The following DPH6 variants were observed in gnomAD, a reference collection of about 807,000 sequenced individuals.
DPH6 encodes diphthamine biosynthesis 6.
Under a neutral mutation model 38.2 loss-of-function variants are expected in DPH6, and 33 were observed. The ratio of observed to expected loss-of-function variants is 0.86; its 90% CI spans 0.65 to 1.15. DPH6 has a LOEUF of 1.15. Among genes scored for constraint, DPH6 ranks in the 50% most tolerant of loss-of-function variants. The pLI is 0.00. For synonymous variants in DPH6, 108 were observed against 103.0 expected, an observed-to-expected ratio of 1.05 and a Z score of -0.30; for missense variants, 325 against 320.0, an observed-to-expected ratio of 1.02 and a Z score of -0.12.
chr15:35,436,753 G>GTTTTTTTT (rs57241274), intron 5 of DPH6, among the ~76,000 whole-genome samples: 4 of 144,048 alleles, frequency 2.8e-5, no homozygotes, highest in Non-Finnish European at 4.5e-5. Flanking sequence ...CTGCCTTTAA[G>GTTTTTTTT]TTTTTTTTTT....
In DPH6 at chr15:35,372,020, T is replaced by A; in HGVS notation, c.*130A>T. 7.1e-7 allele frequency: 1 copy of A among 1,406,760 alleles called. No individual in the cohort carries two copies. The highest frequency in any genetic ancestry group is 9.2e-7 in the Non-Finnish European group (1 of 1,082,366). 87.1% of individuals were successfully genotyped at this position (1,406,760 alleles called of 1,614,324 possible). A position where few individuals can be genotyped will look rare whatever the true frequency, so the allele number is the denominator to read the frequency against. ...AAATGGTTCCACTAACCTCTTCTAG[T>A]GAAAGTATGTTTCTCTAAAAAAATA... On this transcript the variant is annotated 3_prime_UTR_variant, in exon 9 of 9. Transcript: ENST00000256538.
intron 5 of DPH6, among the ~76,000 whole-genome samples, chr15:35,445,221 A>G (rs16960945): frequency 0.032 from 4,808 of 152,168 alleles, 247 homozygotes; most frequent in African/African-American, 0.11. Context: ...CACATATTCT[A>G]CATTAGAAGG....
chr15:35,419,283 GATAAGAAGACTGGTCAT>G (rs1165095389), intron 5 of DPH6, among the ~76,000 whole-genome samples: 1 of 151,992 alleles, frequency 6.6e-6, no homozygotes, highest in Non-Finnish European at 1.5e-5. Context: ...TAAAAGAACA[GATAAGAAGACTGGTCAT>G]ATAATCTCTA....
intron 3 of DPH6, among the ~76,000 whole-genome samples, chr15:35,336,592 T>A (rs538547483): frequency 1.3e-5 from 2 of 152,180 alleles, no homozygotes; most frequent in Non-Finnish European, 2.9e-5. Context: ...TTGTCATAGA[T>A]AGCTCTTATT....
At chr15:35,512,348 T>C (rs1158722854) in intron 3 of DPH6, among the ~76,000 whole-genome samples, 1 of 152,068 alleles carries the variant, frequency 6.6e-6, no homozygotes, top group Non-Finnish European at 1.5e-5. Flanking sequence ...AAACAGAACC[T>C]AGTAGAAAAA....
intron 3 of DPH6, among the ~76,000 whole-genome samples, chr15:35,262,258 A>G (rs1387915335): frequency 6.6e-6 from 1 of 152,184 alleles, no homozygotes; most frequent in African/African-American, 2.4e-5. Flanking sequence ...TGGTATCACA[A>G]TTTTTCAGGA....
intron 3 of DPH6, among the ~76,000 whole-genome samples, chr15:35,460,885 G>C (rs1446427629): frequency 1.8e-5 from 2 of 110,204 alleles, no homozygotes; most frequent in Non-Finnish European, 3.6e-5. Flanking sequence ...CTAAAGCAAA[G>C]AGATACTCAC....
chr15:35,450,097 T>C (rs2053912375), intron 5 of DPH6, among the ~76,000 whole-genome samples: 2 of 152,112 alleles, frequency 1.3e-5, no homozygotes, highest in Admixed American at 6.5e-5. Flanking sequence ...TCATATGTAA[T>C]GTCCATACTT....
At chr15:35,522,178 G>A (rs748150756) in intron 3 of DPH6, 18 of 1,613,280 alleles carry the variant, frequency 1.1e-5, no homozygotes, top group Non-Finnish European at 1.5e-5. Flanking sequence ...TTCATTTGGA[G>A]TCCTGTAAAC....
intron 3 of DPH6, chr15:35,237,588 C>A (rs774389647): frequency 2.5e-6 from 4 of 1,586,408 alleles, no homozygotes; most frequent in Non-Finnish European, 3.5e-6. Flanking sequence ...GAAAAGTGTC[C>A]GAACCTCACG....
intron 3 of DPH6, chr15:35,489,641 T>TA (rs917964527): frequency 4.3e-5 from 42 of 980,814 alleles, no homozygotes; most frequent in African/African-American, 3.5e-4. Flanking sequence ...TAATGTTAAG[T>TA]AAAAAAATAC....
At chr15:35,291,968 T>C (rs112977348) in intron 3 of DPH6, among the ~76,000 whole-genome samples, 154 of 152,250 alleles carry the variant, frequency 1.0e-3, no homozygotes, top group African/African-American at 3.6e-3. Context: ...CTGACCTTAG[T>C]CACTGCCACT....
chr15:35,450,959 C>CA (rs2053925520), intron 4 of DPH6, among the ~76,000 whole-genome samples, 156 bp from the exon 5 acceptor site: 2 of 152,008 alleles, frequency 1.3e-5, no homozygotes, highest in African/African-American at 4.8e-5. Flanking sequence ...TTTATATATA[C>CA]AACATAAACA....
At chr15:35,480,333 T>C (rs1460708765) in intron 3 of DPH6, among the ~76,000 whole-genome samples, 1 of 152,102 alleles carries the variant, frequency 6.6e-6, no homozygotes, top group Non-Finnish European at 1.5e-5. Context: ...GACAATTCTT[T>C]AAGAAAATCC....
At chr15:35,502,978 G>A (rs1378657614) in intron 3 of DPH6, among the ~76,000 whole-genome samples, 4 of 148,114 alleles carry the variant, frequency 2.7e-5, no homozygotes, top group African/African-American at 9.8e-5. Context: ...CAGTGTGCCT[G>A]GCCTCACTGA....
At chr15:35,366,898 T>C (rs745338620), downstream of DPH6, among the ~76,000 whole-genome samples, 1 of 151,978 alleles carries the variant, frequency 6.6e-6, no homozygotes, top group South Asian at 2.1e-4. Context: ...TATAGTAGAT[T>C]CCATGTAGAC....
intron 3 of DPH6, among the ~76,000 whole-genome samples, chr15:35,487,265 G>A (rs1217221233): frequency 3.3e-5 from 5 of 152,334 alleles, no homozygotes; most frequent in African/African-American, 1.2e-4. Flanking sequence ...GCCCCAGTGG[G>A]AACTCTGGGT....
intron 3 of DPH6, among the ~76,000 whole-genome samples, chr15:35,247,603 A>C (rs1401200913): frequency 6.6e-6 from 1 of 152,220 alleles, no homozygotes; most frequent in Non-Finnish European, 1.5e-5. Context: ...ACCTGCTTTC[A>C]GTTGGGAGAA....
At chr15:35,534,364 C>T (rs1466705464) in intron 3 of DPH6, among the ~76,000 whole-genome samples, 2 of 125,018 alleles carry the variant, frequency 1.6e-5, no homozygotes, top group Non-Finnish European at 3.2e-5. Context: ...GCAACAAGAG[C>T]GTAACTCTGT....
Sources: allele counts gnomAD v4.1 joint callset (sites outside exome capture counted in the v4.1 genomes callset), GRCh38; gene constraint gnomAD v4.1.1; transcripts MANE v1.5; gene names NCBI Gene and HGNC (gene_info 2026-07-23, HGNC 2026-07-21).